The following QTMAN variants were observed in gnomAD, a reference collection of about 807,000 sequenced individuals.
QTMAN encodes tRNA-queuosine alpha-mannosyltransferase.
chr2:144,314,934 G>A, the QTMAN span, among the ~76,000 whole-genome samples: 3 of 152,080 alleles, frequency 2.0e-5, no homozygotes, highest in Admixed American at 6.6e-5. Flanking sequence ...CGCCTAGGCT[G>A]GAGTGCAGTG....
At chr2:143,950,087 T>C in the QTMAN span, among the ~76,000 whole-genome samples, 35 of 151,884 alleles carry the variant, frequency 2.3e-4, no homozygotes, top group African/African-American at 8.2e-4. Flanking sequence ...GAAAAATCCA[T>C]GGTAGACGAT....
chr2:144,106,222 A>G, the QTMAN span, among the ~76,000 whole-genome samples: 1 of 152,220 alleles, frequency 6.6e-6, no homozygotes, highest in Non-Finnish European at 1.5e-5. Context: ...ACCAGCTAAC[A>G]TCATAATGAC....
chr2:144,200,295 T>C, the QTMAN span, among the ~76,000 whole-genome samples: 1 of 152,248 alleles, frequency 6.6e-6, no homozygotes, highest in Non-Finnish European at 1.5e-5. Context: ...TTCTAATCTG[T>C]CATTTATTCT....
At chr2:144,187,397 C>G in the QTMAN span, among the ~76,000 whole-genome samples, 3 of 152,138 alleles carry the variant, frequency 2.0e-5, no homozygotes, top group Non-Finnish European at 4.4e-5. Context: ...AGGAACTAAT[C>G]CAGTCTTGCG....
At chr2:144,196,893 T>C in the QTMAN span, among the ~76,000 whole-genome samples, 1 of 152,186 alleles carries the variant, frequency 6.6e-6, no homozygotes, top group African/African-American at 2.4e-5. Flanking sequence ...GGGATAGTGA[T>C]AAGTTTGACA....
chr2:144,144,774 A>C, the QTMAN span, among the ~76,000 whole-genome samples: 1 of 151,952 alleles, frequency 6.6e-6, no homozygotes, highest in East Asian at 1.9e-4. Flanking sequence ...TTCTTGCAAG[A>C]ATTGCGGGTC....
At chr2:144,133,125 A>ATATATT in the QTMAN span, among the ~76,000 whole-genome samples, 1 of 42,146 alleles carries the variant, frequency 2.4e-5, no homozygotes, top group South Asian at 6.2e-4. Flanking sequence ...TAATATATAT[A>ATATATT]TATATATATA....
the QTMAN span, among the ~76,000 whole-genome samples, chr2:144,094,890 T>A: frequency 2.3e-3 from 352 of 152,272 alleles, 1 homozygote; most frequent in Non-Finnish European, 3.6e-3. Context: ...AGTGGGGCAG[T>A]CTCGTTCTCA....
the QTMAN span, among the ~76,000 whole-genome samples, chr2:144,221,165 T>C: frequency 6.6e-6 from 1 of 152,220 alleles, no homozygotes; most frequent in Non-Finnish European, 1.5e-5. Flanking sequence ...AATCGACTAA[T>C]ACATATGGTT....
chr2:144,261,106 T>C, the QTMAN span, among the ~76,000 whole-genome samples: 1 of 152,352 alleles, frequency 6.6e-6, no homozygotes, highest in South Asian at 2.1e-4. Context: ...TACCTCCCTC[T>C]GTACAGCCTA....
chr2:144,318,330 A>G, the QTMAN span, among the ~76,000 whole-genome samples: 3 of 152,112 alleles, frequency 2.0e-5, no homozygotes, highest in African/African-American at 7.2e-5. Flanking sequence ...AAGGTAGTTC[A>G]ATTATGGCAC....
chr2:144,240,948 G>A, the QTMAN span, among the ~76,000 whole-genome samples: 12 of 152,268 alleles, frequency 7.9e-5, no homozygotes, highest in South Asian at 2.1e-4. Flanking sequence ...CTGGCTGCAC[G>A]TTAGAATCCC....
At chr2:144,178,363 A>G in the QTMAN span, 2 of 152,088 alleles carry the variant, frequency 1.3e-5, no homozygotes. Context: ...GTTACCTGTC[A>G]TTACTAATAC....
the QTMAN span, among the ~76,000 whole-genome samples, chr2:143,966,762 C>T: frequency 6.6e-6 from 1 of 152,212 alleles, no homozygotes; most frequent in Non-Finnish European, 1.5e-5. Context: ...ATTACAAAAA[C>T]TTTGTAACAA....
At chr2:144,006,461 C>T in the QTMAN span, 2 of 152,194 alleles carry the variant, frequency 1.3e-5, no homozygotes, top group East Asian at 3.9e-4. Context: ...GTACTCTAAT[C>T]AGGCCACATG....
the QTMAN span, among the ~76,000 whole-genome samples, chr2:144,206,296 CAACTGGAAAGCAAAAATTTTTCATA>C: frequency 6.6e-6 from 1 of 152,086 alleles, no homozygotes; most frequent in East Asian, 1.9e-4. Context: ...AAAAGAGTAA[CAACTGGAAAGCAAAAATTTTTCATA>C]TCTTTAAAAA....
At chr2:144,298,808 C>T in the QTMAN span, among the ~76,000 whole-genome samples, 14 of 152,308 alleles carry the variant, frequency 9.2e-5, no homozygotes, top group South Asian at 2.1e-4. Flanking sequence ...GAGTGTTTAA[C>T]GCTAATTCTT....
At chr2:143,966,804 T>C in the QTMAN span, among the ~76,000 whole-genome samples, 14,300 of 152,298 alleles carry the variant, frequency 0.094, 963 homozygotes, top group African/African-American at 0.18. Context: ...ATCAACAGTA[T>C]AGAGACTCTA....
the QTMAN span, among the ~76,000 whole-genome samples, chr2:144,028,982 C>A: frequency 1.3e-5 from 2 of 152,158 alleles, no homozygotes; most frequent in Non-Finnish European, 2.9e-5. Context: ...GTGAGAGTAG[C>A]AAAATACCTT....
Sources: gnomAD v4.1 joint callset for allele counts (sites outside exome capture counted in the v4.1 genomes callset) on GRCh38, gnomAD v4.1.1 for gene constraint, MANE v1.5 for transcripts, NCBI Gene and HGNC (gene_info 2026-07-23, HGNC 2026-07-21) for gene names.